DNAH10: variants seen among roughly 807,000 people sequenced by gnomAD.
The protein encoded by DNAH10 is dynein axonemal heavy chain 10.
Under a neutral mutation model 506.6 loss-of-function variants are expected in DNAH10, and 348 were observed. That is an observed-to-expected ratio of 0.69 (90% CI 0.63 to 0.75). The LOEUF (loss-of-function observed/expected upper bound fraction) is 0.75. Among genes scored for constraint, DNAH10 ranks in the 30% least tolerant of loss-of-function variants. The pLI is 0.00. For synonymous variants in DNAH10, 2,059 were observed against 2,198.6 expected (o/e 0.94, Z 1.78); for missense variants, 5,179 against 5,787.1 (o/e 0.89, Z 3.41).
chr12:123,879,418 A>G, intron 49 of DNAH10, 61 bp downstream of exon 49: 1 of 1,533,128 alleles, frequency 6.5e-7, no homozygotes, highest in Non-Finnish European at 8.8e-7. Flanking sequence ...CAAGCGCCAA[A>G]AGTGTTTTTT....
chr12:123,814,012 T>C, intron 21 of DNAH10, 100 bp downstream of exon 21: 1 of 1,160,640 alleles, frequency 8.6e-7, no homozygotes, highest in Non-Finnish European at 1.2e-6. Flanking sequence ...TGATTTGTTT[T>C]CAAATAAGTG....
chr12:123,819,696 TTC>T (rs1959210623), intron 23 of DNAH10, among the ~76,000 whole-genome samples: 3 of 149,360 alleles, frequency 2.0e-5, no homozygotes, highest in Admixed American at 1.3e-4. Context: ...AATACTAAAA[TTC>T]TGTTTTTTTT....
chr12:123,825,017 A>G (rs1594120150), intron 24 of DNAH10, among the ~76,000 whole-genome samples: 1 of 152,120 alleles, frequency 6.6e-6, no homozygotes, highest in African/African-American at 2.4e-5. Context: ...ATTAAATGCC[A>G]TGAGAATACG....
intron 29 of DNAH10, among the ~76,000 whole-genome samples, chr12:123,840,429 G>T (rs1309929215): frequency 2.4e-5 from 3 of 126,178 alleles, no homozygotes; most frequent in Non-Finnish European, 4.8e-5. Flanking sequence ...TTTTCAGACA[G>T]GGCGTTGCTT....
rs761676312 is a variant in DNAH10 at position 123,850,995 on chromosome 12, C to T, written c.6210C>T (p.Phe2070=). The T allele has an allele frequency of 6.2e-7, 1 of 1,613,960 alleles. No individual in the cohort carries two copies. The highest frequency in any genetic ancestry group is 1.3e-5 in the African/African-American group (1 of 74,946). ...TGCCCGAGTCGGTGAAGGCGCTGTT[C>T]AGGCCTGTGGTCGTGATCGTGCCCG... ...TELPESVKAL[F]RPVVVIVPDL... is the part of the protein sequence containing the mutation. The change falls in exon 35 of 79, where the codon TTC becomes TTT. Residue 2070 remains phenylalanine, a synonymous_variant. Coordinates refer to ENST00000673944, the MANE Select transcript of DNAH10 (RefSeq NM_001372106.1). This position sits in a 1 kb window ranked among gnomAD's most constrained non-coding sequence, Gnocchi z 5.5.
At chr12:123,866,260 T>TTTTTTTG (rs1160562001) in intron 41 of DNAH10, among the ~76,000 whole-genome samples, 187 bp downstream of exon 41, 4 of 139,882 alleles carry the variant, frequency 2.9e-5, no homozygotes, top group African/African-American at 1.1e-4. Context: ...TTTTTTTTTT[T>TTTTTTTG]GGAGACGGAG....
At chr12:123,833,880 T>C (rs1278848029) in intron 27 of DNAH10, among the ~76,000 whole-genome samples, 1 of 152,210 alleles carries the variant, frequency 6.6e-6, no homozygotes, top group African/African-American at 2.4e-5. Flanking sequence ...CACTGGGAAG[T>C]AGCAAGGTCT....
At chr12:123,768,897 C>G (rs570654790) in intron 2 of DNAH10, among the ~76,000 whole-genome samples, 2 of 152,018 alleles carry the variant, frequency 1.3e-5, no homozygotes, top group African/African-American at 4.8e-5. Context: ...CACCAACATG[C>G]CTGGATGACA....
intron 77 of DNAH10, chr12:123,934,351 G>C: frequency 1.5e-6 from 1 of 664,376 alleles, no homozygotes; most frequent in Non-Finnish European, 2.7e-6. Flanking sequence ...GATGCCCCAG[G>C]AATGAGGATT....
At chr12:123,912,691 G>T (rs1276639308) in intron 59 of DNAH10, among the ~76,000 whole-genome samples, 2 of 152,178 alleles carry the variant, frequency 1.3e-5, no homozygotes, top group African/African-American at 4.8e-5. Flanking sequence ...AATACAAAGA[G>T]AATAAGGTTA....
chr12:123,848,976 G>A, intron 34 of DNAH10, 94 bp downstream of exon 34: 1 of 1,438,838 alleles, frequency 7.0e-7, no homozygotes, highest in Non-Finnish European at 9.5e-7. Context: ...CTGGGCCGTT[G>A]ACACTCCAGA....
At chr12:123,808,766 A>G (rs771829650) in intron 18 of DNAH10, 31 bp from the exon 19 acceptor site, 2 of 1,611,716 alleles carry the variant, frequency 1.2e-6, no homozygotes, top group Non-Finnish European at 1.7e-6. Context: ...AGTGAGATAC[A>G]CTCTGAGTCT....
chr12:123,788,318 G>C (rs1957942212), intron 10 of DNAH10, among the ~76,000 whole-genome samples: 1 of 152,008 alleles, frequency 6.6e-6, no homozygotes, highest in African/African-American at 2.4e-5. Flanking sequence ...TTAAGTATTG[G>C]AATCCCTCAA....
intron 13 of DNAH10, 40 bp downstream of exon 13, chr12:123,796,872 A>AT (rs368845242): frequency 0.11 from 137,302 of 1,246,390 alleles, 20 homozygotes; most frequent in Non-Finnish European, 0.12. Context: ...TTTGTATTTG[A>AT]TTTTTTTTTT....
In DNAH10 at chr12:123,861,039, C is replaced by G. The variant is rs764513780; in HGVS notation, c.6777C>G (p.Ile2259Met). Residue 2259 changes from isoleucine to methionine, a missense_variant, in exon 39 of 79, where the codon ATC becomes ATG. This residue lies in a region of DNAH10 where 4,844 missense variants were observed against 5,430.5 expected (regional missense o/e 0.89). Transcript: ENST00000673944. ...TTGGGCTGACGACAAAGTTGTACAT[C>G]CTGAACCCCAAAGCCGTGAGTGTCA... The part of the protein sequence containing the change: ...TKLGLTTKLY[I>M]LNPKAVSVIE... 6 of 1,613,966 alleles carry G rather than the reference C, an allele frequency of 3.7e-6. No individual in the cohort carries two copies. Among genetic ancestry groups the G allele is most frequent in the Non-Finnish European group, 5.1e-6 (6 of 1,179,888 alleles).
chr12:123,861,590 CCTGAGCCACGG>C (rs1951615064), intron 39 of DNAH10, among the ~76,000 whole-genome samples: 1 of 152,234 alleles, frequency 6.6e-6, no homozygotes, highest in Admixed American at 6.5e-5. Context: ...GGAATGCCCT[CCTGAGCCACGG>C]CTTTCCATCT....
intron 18 of DNAH10, among the ~76,000 whole-genome samples, chr12:123,805,852 C>T (rs1333860537): frequency 6.6e-6 from 1 of 151,082 alleles, no homozygotes; most frequent in Non-Finnish European, 1.5e-5. Context: ...TCTCGGCTCA[C>T]TGCAAGCTCC....
chr12:123,790,575 T>G (rs1958040933), intron 11 of DNAH10, among the ~76,000 whole-genome samples: 1 of 152,024 alleles, frequency 6.6e-6, no homozygotes, highest in East Asian at 1.9e-4. Flanking sequence ...GGAAGGAGGC[T>G]GAGACAGCGG....
chr12:123,891,403 C>A (rs1338108128), intron 52 of DNAH10, among the ~76,000 whole-genome samples: 1 of 152,140 alleles, frequency 6.6e-6, no homozygotes, highest in Non-Finnish European at 1.5e-5. Flanking sequence ...CAACTTCAAC[C>A]GTAATACATA....
Sources: gnomAD v4.1 joint callset for allele counts (sites outside exome capture counted in the v4.1 genomes callset) on GRCh38, gnomAD v4.1.1 for gene constraint, gnomAD v4.1.1 regional missense constraint, Gnocchi (gnomAD v3.1) non-coding constraint, MANE v1.5 for transcripts, NCBI Gene and HGNC (gene_info 2026-07-23, HGNC 2026-07-21) for gene names.